ESR1: variants seen among roughly 807,000 people sequenced by gnomAD.
The protein encoded by ESR1 is estrogen receptor 1.
In ESR1, 12 loss-of-function variants were observed where a neutral mutation model predicts 52.7. That is an observed-to-expected ratio of 0.23 (90% CI 0.15 to 0.37). The LOEUF (loss-of-function observed/expected upper bound fraction) is 0.37, where lower values mean the gene tolerates loss of function less well. ESR1 is among the 10% of genes least tolerant of loss of function. The pLI is 1.00. For missense variants in ESR1, 584 were observed against 779.7 expected (o/e 0.75, Z 2.99); for synonymous variants, 305 against 316.8 (o/e 0.96, Z 0.39).
At chr6:151,670,879 C>T (rs1226799195) in intron 1 of ESR1, among the ~76,000 whole-genome samples, 2 of 149,874 alleles carry the variant, frequency 1.3e-5, no homozygotes, top group Admixed American at 6.7e-5. Flanking sequence ...AGCAATTCTC[C>T]TGCCTCAGCT....
chr6:152,113,894 T>TA (rs2051177102), intron 6 of ESR1, among the ~76,000 whole-genome samples: 1 of 152,164 alleles, frequency 6.6e-6, no homozygotes, highest in Non-Finnish European at 1.5e-5. Context: ...TTGCTCAGGT[T>TA]ATACAGCTAG....
Position 151,807,686 on chromosome 6 carries a change from G to A in ESR1, c.-227G>A, listed in dbSNP as rs1457238291. On this transcript the variant is annotated 5_prime_UTR_variant, in exon 1 of 8. Transcript: ENST00000206249. ...TTGGAGGCCCGGGAGCCCAGGAGCT[G>A]GCGGAGGGCGTTCGTCCTGGGACTG... is the stretch of plus-strand genomic sequence containing the variant. 5 of 609,086 alleles carry A rather than the reference G, an allele frequency of 8.2e-6. No individual in the cohort carries two copies. The highest frequency in any genetic ancestry group is 5.5e-5 in the African/African-American group (3 of 54,172). The allele number at this position is 609,086 out of a possible 1,614,324, so 37.7% of individuals were successfully genotyped here.
At chr6:152,123,746 A>G (rs2052302470) in intron 6 of ESR1, among the ~76,000 whole-genome samples, 1 of 152,242 alleles carries the variant, frequency 6.6e-6, no homozygotes, top group African/African-American at 2.4e-5. Flanking sequence ...ACTAGTATAA[A>G]TTCCTTAAGA....
intron 1 of ESR1, among the ~76,000 whole-genome samples, chr6:151,825,140 C>T (rs1044569939): frequency 2.0e-5 from 3 of 151,938 alleles, no homozygotes; most frequent in African/African-American, 7.3e-5. Context: ...CAAAAGCAAA[C>T]CTCCTGTCTA....
chr6:152,044,662 A>G (rs1205417042), intron 5 of ESR1, among the ~76,000 whole-genome samples: 5 of 152,202 alleles, frequency 3.3e-5, no homozygotes, highest in South Asian at 2.1e-4. Context: ...TTGTAGTCCA[A>G]TGTTCGAGGC....
intron 5 of ESR1, among the ~76,000 whole-genome samples, chr6:152,045,495 C>T (rs908215163): frequency 6.6e-6 from 1 of 152,100 alleles, no homozygotes; most frequent in Non-Finnish European, 1.5e-5. Context: ...ACTAGGGACA[C>T]GAGGCTCTGC....
chr6:152,015,521 T>C (rs1305961400), intron 5 of ESR1, among the ~76,000 whole-genome samples: 1 of 152,230 alleles, frequency 6.6e-6, no homozygotes, highest in East Asian at 1.9e-4. Flanking sequence ...CAGATCTTGT[T>C]CGTCTTGTGT....
At chr6:151,748,977 T>C (rs772422710) in intron 2 of ESR1, among the ~76,000 whole-genome samples, 1 of 152,046 alleles carries the variant, frequency 6.6e-6, no homozygotes, top group Non-Finnish European at 1.5e-5. Context: ...TAGGTGAACT[T>C]TAAGTGCTAG....
chr6:151,706,365 G>A (rs1387161840), intron 2 of ESR1, among the ~76,000 whole-genome samples: 2 of 152,142 alleles, frequency 1.3e-5, no homozygotes, highest in Non-Finnish European at 2.9e-5. Context: ...TTGACTAGTG[G>A]GCTTGAAAGT....
At chr6:151,795,965 A>G (rs1040727633) in intron 2 of ESR1, among the ~76,000 whole-genome samples, 27 of 150,666 alleles carry the variant, frequency 1.8e-4, no homozygotes, top group African/African-American at 6.6e-4. Context: ...TGGCTAACAC[A>G]GTGAAACCCC....
At chr6:151,686,501 T>C (rs150475485), upstream of ESR1, among the ~76,000 whole-genome samples, 9,645 of 152,162 alleles carry the variant, frequency 0.063, 688 homozygotes, top group East Asian at 0.3. Context: ...CCGGCTAACA[T>C]GGTGAAACCC....
intron 4 of ESR1, among the ~76,000 whole-genome samples, chr6:151,986,155 T>G (rs2040466885): frequency 1.3e-5 from 2 of 152,142 alleles, no homozygotes; most frequent in African/African-American, 4.8e-5. Context: ...ACTGTCCTTC[T>G]TCATCTTCAT....
intron 2 of ESR1, among the ~76,000 whole-genome samples, chr6:151,876,252 C>A (rs936693936): frequency 2.0e-5 from 3 of 151,952 alleles, no homozygotes; most frequent in African/African-American, 7.2e-5. Context: ...AACAGACTGG[C>A]GAGGAAAGAA....
chr6:151,682,887 C>T (rs1182286177), intron 1 of ESR1, among the ~76,000 whole-genome samples: 1 of 152,106 alleles, frequency 6.6e-6, no homozygotes, highest in Non-Finnish European at 1.5e-5. Context: ...GGAGAGCCTA[C>T]AAAAATTTTA....
chr6:152,091,001 G>T (rs926167001), intron 6 of ESR1, among the ~76,000 whole-genome samples: 1 of 152,200 alleles, frequency 6.6e-6, no homozygotes, highest in Non-Finnish European at 1.5e-5. Context: ...AATCTCCAGA[G>T]TTGCAAAAGC....
intron 1 of ESR1, chr6:151,811,113 T>C (rs762692558): frequency 6.6e-6 from 1 of 152,234 alleles, no homozygotes; most frequent in Non-Finnish European, 1.5e-5. Context: ...GGTTACCTTC[T>C]TCCATTTCTT....
intron 4 of ESR1, among the ~76,000 whole-genome samples, chr6:151,974,964 C>T (rs1275835807): frequency 6.6e-6 from 1 of 152,186 alleles, no homozygotes; most frequent in Non-Finnish European, 1.5e-5. Flanking sequence ...TTTCTCTTTC[C>T]TTTGCTCTGC....
intron 4 of ESR1, among the ~76,000 whole-genome samples, chr6:151,962,257 T>G (rs1280408411): frequency 6.6e-6 from 1 of 152,174 alleles, no homozygotes; most frequent in East Asian, 1.9e-4. Flanking sequence ...TGCTTTCTCT[T>G]TATTCTTATC....
chr6:151,843,833 C>G (rs975674246), intron 2 of ESR1, among the ~76,000 whole-genome samples: 1 of 151,740 alleles, frequency 6.6e-6, no homozygotes. Flanking sequence ...TCTGTGATAG[C>G]TCTTTCCTGC....
Sources: gnomAD v4.1 joint callset for allele counts (sites outside exome capture counted in the v4.1 genomes callset) on GRCh38, gnomAD v4.1.1 for gene constraint, MANE v1.5 for transcripts, NCBI Gene and HGNC (gene_info 2026-07-23, HGNC 2026-07-21) for gene names.